Variants in NAA25 observed in about 807,000 individuals in gnomAD.
The protein encoded by NAA25 is N-terminal acetyltransferase B complex subunit NAA25.
A neutral mutation model predicts 132.5 loss-of-function variants in NAA25; 30 were observed. That is an observed-to-expected ratio of 0.23 (90% CI 0.17 to 0.31). NAA25 has a LOEUF of 0.31. NAA25 is among the 10% of genes least tolerant of loss of function. NAA25 has a pLI of 1.00. For synonymous variants in NAA25, 359 were observed against 401.9 expected, an observed-to-expected ratio of 0.89 and a Z score of 1.28; for missense variants, 771 against 1,150.4, an observed-to-expected ratio of 0.67 and a Z score of 4.77.
Position 112,033,217 on chromosome 12 carries a change from G to A in NAA25, c.2796+16C>T, listed in dbSNP as rs370103202. On this transcript the variant is annotated intron_variant, in intron 23 of 23. Transcript: ENST00000261745. ...GTGTGTGTAGAAAACATTGCCGATT[G>A]CCTACAATCTCTTACCGGTGAGAGA... 2 of 1,594,288 alleles carry A rather than the reference G, an allele frequency of 1.3e-6. No homozygotes were observed. The highest frequency in any genetic ancestry group is 1.7e-6 in the Non-Finnish European group (2 of 1,171,358).
chr12:112,083,189 T>G (rs2078997025), intron 4 of NAA25, among the ~76,000 whole-genome samples: 1 of 151,970 alleles, frequency 6.6e-6, no homozygotes, highest in South Asian at 2.1e-4. Flanking sequence ...CCTGGAAAGA[T>G]ACAGCAGAGG....
intron 22 of NAA25, among the ~76,000 whole-genome samples, chr12:112,035,915 G>A (rs1342739121): frequency 1.3e-5 from 2 of 151,922 alleles, no homozygotes; most frequent in Non-Finnish European, 2.9e-5. Flanking sequence ...AAAACTCCCG[G>A]GCTCAAGCAA....
chr12:112,065,821 A>C, intron 11 of NAA25: 1 of 152,206 alleles, frequency 6.6e-6, no homozygotes, highest in East Asian at 1.9e-4. Context: ...GACTTTAGAA[A>C]GATTTGGTTC....
chr12:112,068,854 A>G (rs1187150881), intron 11 of NAA25, 26 bp downstream of exon 11: 1 of 1,347,238 alleles, frequency 7.4e-7, no homozygotes. Context: ...GGCACCCAAC[A>G]AACTTCTAAA....
Position 112,094,668 on chromosome 12 carries a change from G to T in NAA25, c.59-1532C>A, listed in dbSNP as rs571150051. Among the ~76,000 whole-genome samples the T allele has an allele frequency of 1.3e-4, 20 of 152,008 alleles. 1 individual carries two copies. The highest frequency in any genetic ancestry group is 6.2e-4 in the South Asian group (3 of 4,822). On this transcript the variant is annotated intron_variant, in intron 1 of 23. Transcript: ENST00000261745. ...GATGTAGGGAAAATAGTACTTTTTT[G>T]TGTGTGTGTGAGACAGGGTCTTGCT...
At chr12:112,072,974 C>T (rs1418549770) in intron 9 of NAA25, among the ~76,000 whole-genome samples, 4 of 152,004 alleles carry the variant, frequency 2.6e-5, no homozygotes, top group South Asian at 2.1e-4. Flanking sequence ...TGGCTCACAC[C>T]TGTAATCCTA....
chr12:112,107,796 C>T (rs2079384315), intron 1 of NAA25, among the ~76,000 whole-genome samples: 1 of 152,138 alleles, frequency 6.6e-6, no homozygotes, highest in Non-Finnish European at 1.5e-5. Context: ...ATAAAACCAT[C>T]TAAGAGGAAA....
chr12:112,099,435 T>C (rs1191882496), intron 1 of NAA25, among the ~76,000 whole-genome samples: 1 of 152,052 alleles, frequency 6.6e-6, no homozygotes, highest in Non-Finnish European at 1.5e-5. Context: ...CTCATAGCAA[T>C]AATATAATTA....
chr12:112,081,414 C>T (rs1332284890), intron 4 of NAA25, among the ~76,000 whole-genome samples: 1 of 152,130 alleles, frequency 6.6e-6, no homozygotes, highest in Non-Finnish European at 1.5e-5. Context: ...TAGGAGACTA[C>T]AAAGCAAACA....
At chr12:112,096,965 T>G (rs1409751018) in intron 1 of NAA25, among the ~76,000 whole-genome samples, 1 of 152,206 alleles carries the variant, frequency 6.6e-6, no homozygotes, top group African/African-American at 2.4e-5. Context: ...TATTTTTCCC[T>G]TCCCCTCTGT....
chr12:112,058,020 G>A (rs2078573356), intron 13 of NAA25, among the ~76,000 whole-genome samples: 1 of 152,116 alleles, frequency 6.6e-6, no homozygotes, highest in Non-Finnish European at 1.5e-5. Flanking sequence ...AGTGGCACGT[G>A]CCTGTAATCA....
rs777000179 is a variant in NAA25 at position 112,075,806 on chromosome 12, TAA to T, written c.665-19_665-18del. The T allele has an allele frequency of 6.2e-7, 1 of 1,601,442 alleles. No homozygotes were observed. Among genetic ancestry groups the T allele is most frequent in the Non-Finnish European group, 8.6e-7 (1 of 1,168,756 alleles). On this transcript the variant is annotated intron_variant, in intron 7 of 23. Coordinates refer to ENST00000261745, the MANE Select transcript of NAA25 (RefSeq NM_024953.4). ...TCAACTTCTCTAAAATCAAAAGTTATAAAAGTTGGTAAGCTGGTTTCATTTCT... is the reference window on the plus strand; with the variant it reads ...TCAACTTCTCTAAAATCAAAAGTTATAAGTTGGTAAGCTGGTTTCATTTCT...
chr12:112,032,000 G>A (rs1421894310), intron 23 of NAA25, among the ~76,000 whole-genome samples: 1 of 150,136 alleles, frequency 6.7e-6, no homozygotes. Flanking sequence ...GTCTCATTCT[G>A]TCACCCAGGC....
intron 3 of NAA25, among the ~76,000 whole-genome samples, chr12:112,088,519 T>C (rs1002435946): frequency 6.6e-6 from 1 of 151,864 alleles, no homozygotes; most frequent in East Asian, 1.9e-4. Flanking sequence ...TGTTTCGCCA[T>C]GTTGCCCAGG....
chr12:112,083,664 A>G (rs2079003970), intron 4 of NAA25, among the ~76,000 whole-genome samples: 1 of 152,202 alleles, frequency 6.6e-6, no homozygotes, highest in African/African-American at 2.4e-5. Flanking sequence ...CAGGTATAAA[A>G]TGAAAAATGT....
rs2078119139 is a variant in NAA25 at position 112,029,243 on chromosome 12, T to G, written c.*288A>C. ...ACCCCCCGCTCCCCTGAAAAGATGTTTCTGGTGATGGGAAGAAGAAAAGTA... is the reference window on the plus strand; with the variant it reads ...ACCCCCCGCTCCCCTGAAAAGATGTGTCTGGTGATGGGAAGAAGAAAAGTA... On this transcript the variant is annotated 3_prime_UTR_variant, in exon 24 of 24. Coordinates refer to ENST00000261745, the MANE Select transcript of NAA25 (RefSeq NM_024953.4). 3 of 346,636 alleles carry G rather than the reference T, an allele frequency of 8.7e-6. No individual in the cohort carries two copies. The highest frequency in any genetic ancestry group is 1.6e-5 in the Non-Finnish European group (3 of 189,348). The allele number at this position is 346,636 out of a possible 1,614,324, so 21.5% of individuals were successfully genotyped here.
At chr12:112,036,710 G>A (rs1183225603) in intron 22 of NAA25, among the ~76,000 whole-genome samples, 1 of 151,890 alleles carries the variant, frequency 6.6e-6, no homozygotes, top group Non-Finnish European at 1.5e-5. Flanking sequence ...CTAACTGGGA[G>A]AGCGGCATCT....
intron 13 of NAA25, among the ~76,000 whole-genome samples, chr12:112,059,486 C>T (rs2078594235): frequency 6.6e-6 from 1 of 152,150 alleles, no homozygotes; most frequent in East Asian, 1.9e-4. Context: ...ATCCCAGTAC[C>T]ATTTGCTGAA....
rs1438107645 is a variant in NAA25 at position 112,101,889 on chromosome 12, CAG to C, written c.58+6825_58+6826del. Among the ~76,000 whole-genome samples the C allele has an allele frequency of 1.2e-4, 17 of 141,842 alleles. No individual in the cohort carries two copies. In the East Asian group the frequency reaches 3.5e-3, roughly 29 times the overall value. 93.1% of individuals were successfully genotyped at this position (141,842 alleles called of 152,430 possible). A position where few individuals can be genotyped will look rare whatever the true frequency, so the allele number is the denominator to read the frequency against. On this transcript the variant is annotated intron_variant, in intron 1 of 23. Transcript: ENST00000261745. ...TCAACTTTTTTTTTTTTTTTTGAGA[CAG>C]AGTCTAGCTTTGTCACCCAGGCTGC... is the stretch of plus-strand genomic sequence containing the variant.
Sources: gnomAD v4.1 joint callset for allele counts (sites outside exome capture counted in the v4.1 genomes callset) on GRCh38, gnomAD v4.1.1 for gene constraint, MANE v1.5 for transcripts, NCBI Gene and HGNC (gene_info 2026-07-23, HGNC 2026-07-21) for gene names.